Variants in JAKMIP2 observed in about 807,000 individuals in gnomAD.
JAKMIP2 encodes janus kinase and microtubule interacting protein 2.
A neutral mutation model predicts 115.0 loss-of-function variants in JAKMIP2; 25 were observed. That is an observed-to-expected ratio of 0.22 (90% CI 0.16 to 0.30). The LOEUF is 0.30. Ranked by LOEUF, JAKMIP2 falls within the 10% of genes least tolerant of loss-of-function variation. The pLI is 1.00. For missense variants in JAKMIP2, 642 were observed against 957.6 expected, an observed-to-expected ratio of 0.67 and a Z score of 4.35; for synonymous variants, 334 against 343.6, an observed-to-expected ratio of 0.97 and a Z score of 0.31.
At chr5:147,695,319 C>T (rs1242257064) in intron 1 of JAKMIP2, among the ~76,000 whole-genome samples, 1 of 152,198 alleles carries the variant, frequency 6.6e-6, no homozygotes, top group Non-Finnish European at 1.5e-5. Flanking sequence ...CTTCCTTCCA[C>T]AACTACCTCT....
At chr5:147,728,125 T>G (rs1753591701) in intron 1 of JAKMIP2, among the ~76,000 whole-genome samples, 2 of 152,182 alleles carry the variant, frequency 1.3e-5, no homozygotes, top group Admixed American at 1.3e-4. Context: ...TATGTGAGAA[T>G]TTTGATTTAT....
chr5:147,696,187 G>C (rs996726714), intron 1 of JAKMIP2, among the ~76,000 whole-genome samples: 9 of 152,096 alleles, frequency 5.9e-5, no homozygotes, highest in African/African-American at 2.2e-4. Context: ...AAAACTTCAG[G>C]AGATGCCATT....
chr5:147,629,619 A>C (rs932655924), intron 15 of JAKMIP2, 74 bp downstream of exon 15: 8 of 1,004,584 alleles, frequency 8.0e-6, no homozygotes, highest in Non-Finnish European at 1.1e-5. Flanking sequence ...TACTTTACAC[A>C]TGATGCATTG....
intron 3 of JAKMIP2, among the ~76,000 whole-genome samples, chr5:147,660,079 T>C (rs970131021): frequency 1.3e-5 from 2 of 152,230 alleles, no homozygotes; most frequent in Admixed American, 6.5e-5. Flanking sequence ...CGATAGTTGA[T>C]GTGATAACAT....
chr5:147,730,168 C>T (rs544724122), intron 1 of JAKMIP2, among the ~76,000 whole-genome samples: 6 of 152,200 alleles, frequency 3.9e-5, no homozygotes, highest in South Asian at 2.1e-4. Context: ...TTTGTTTAAC[C>T]GTGGGTGAAG....
In JAKMIP2 at chr5:147,782,664, G is replaced by GGCGGCAGCA. The variant is rs1554087552; in HGVS notation, c.-358_-357insTGCTGCCGC. ...TATCAGCAATAGAGGCGGCGGCGGC[G>GGCGGCAGCA]GCAGCAGCAGCAGCAGCAGCATCAC... On this transcript the variant is annotated 5_prime_UTR_variant, in exon 1 of 22. Transcript: ENST00000616793. 3.1e-6 allele frequency: 2 copies of GGCGGCAGCA among 636,506 alleles called. No individual in the cohort carries two copies. Among genetic ancestry groups the GGCGGCAGCA allele is most frequent in the African/African-American group, 1.8e-5 (1 of 54,650 alleles). The allele number at this position is 636,506 out of a possible 1,614,324, so 39.4% of individuals were successfully genotyped here.
At chr5:147,743,990 CCTAA>C (rs1391234102) in intron 1 of JAKMIP2, among the ~76,000 whole-genome samples, 47 of 132,610 alleles carry the variant, frequency 3.5e-4, no homozygotes, top group Non-Finnish European at 5.1e-4. Flanking sequence ...TTCCTTCCTT[CCTAA>C]CTTCTTTCCT....
At chr5:147,727,990 T>G (rs1170416986) in intron 1 of JAKMIP2, among the ~76,000 whole-genome samples, 1 of 152,168 alleles carries the variant, frequency 6.6e-6, no homozygotes, top group Non-Finnish European at 1.5e-5. Flanking sequence ...ACGTCTATTT[T>G]CCTCATGAAA....
chr5:147,722,019 C>T (rs567059197), intron 1 of JAKMIP2, among the ~76,000 whole-genome samples: 75 of 152,178 alleles, frequency 4.9e-4, no homozygotes, highest in African/African-American at 1.7e-3. Context: ...TACTTCCTGT[C>T]GAAAGGTGTC....
At chr5:147,757,331 T>C (rs529510185) in intron 1 of JAKMIP2, among the ~76,000 whole-genome samples, 2 of 152,276 alleles carry the variant, frequency 1.3e-5, no homozygotes, top group East Asian at 3.9e-4. Flanking sequence ...TAGTTCTTGA[T>C]GATGGTAGCA....
chr5:147,764,838 A>G (rs1755054489), intron 1 of JAKMIP2, among the ~76,000 whole-genome samples: 1 of 149,334 alleles, frequency 6.7e-6, no homozygotes, highest in African/African-American at 2.5e-5. Context: ...GTGAGCCAAG[A>G]TCATGCCACT....
chr5:147,647,505 G>A (rs778852038), intron 5 of JAKMIP2, among the ~76,000 whole-genome samples: 1 of 151,994 alleles, frequency 6.6e-6, no homozygotes, highest in Non-Finnish European at 1.5e-5. Context: ...AACAGTAAAG[G>A]CAGCATAACA....
intron 20 of JAKMIP2, among the ~76,000 whole-genome samples, chr5:147,604,384 AG>A (rs1332047760): frequency 9.9e-5 from 15 of 152,086 alleles, no homozygotes; most frequent in Non-Finnish European, 1.8e-4. Flanking sequence ...ACCCATGGGA[AG>A]AAGAAGGGAC....
chr5:147,697,040 C>T (rs6884632), intron 1 of JAKMIP2, among the ~76,000 whole-genome samples: 2 of 151,764 alleles, frequency 1.3e-5, no homozygotes, highest in East Asian at 1.9e-4. Flanking sequence ...CCCATTTTCT[C>T]GGGGAGAAAT....
chr5:147,628,380 A>C (rs1323243299), intron 16 of JAKMIP2, among the ~76,000 whole-genome samples: 3 of 152,060 alleles, frequency 2.0e-5, no homozygotes, highest in Non-Finnish European at 4.4e-5. Context: ...GTAGGTACAC[A>C]CCCCAGGATA....
intron 2 of JAKMIP2, among the ~76,000 whole-genome samples, chr5:147,667,511 T>C (rs1471169180): frequency 6.6e-6 from 1 of 152,144 alleles, no homozygotes; most frequent in Non-Finnish European, 1.5e-5. Flanking sequence ...AAGGAAAAGG[T>C]TGAGAGGTTA....
chr5:147,731,226 C>A (rs1001137139), intron 1 of JAKMIP2, among the ~76,000 whole-genome samples: 6 of 152,070 alleles, frequency 3.9e-5, no homozygotes, highest in African/African-American at 1.4e-4. Flanking sequence ...AAAGGCACTG[C>A]TTGGAATTTT....
intron 2 of JAKMIP2, among the ~76,000 whole-genome samples, chr5:147,670,324 T>C (rs1258042279): frequency 2.0e-5 from 3 of 152,130 alleles, no homozygotes; most frequent in Non-Finnish European, 2.9e-5. Context: ...ATGGAATAAA[T>C]ATATTTGTTG....
chr5:147,697,923 G>A (rs1561544849), intron 1 of JAKMIP2, among the ~76,000 whole-genome samples: 1 of 152,222 alleles, frequency 6.6e-6, no homozygotes, highest in Non-Finnish European at 1.5e-5. Context: ...ACTGCCTAGT[G>A]GAGCTGTGAG....
Sources: allele counts gnomAD v4.1 joint callset (sites outside exome capture counted in the v4.1 genomes callset), GRCh38; gene constraint gnomAD v4.1.1; transcripts MANE v1.5; gene names NCBI Gene and HGNC (gene_info 2026-07-23, HGNC 2026-07-21).